ZFYVE26: variants seen among roughly 807,000 people sequenced by gnomAD.
ZFYVE26 encodes zinc finger FYVE domain-containing protein 26.
A neutral mutation model predicts 276.5 loss-of-function variants in ZFYVE26; 181 were observed. That is an observed-to-expected ratio of 0.65 (90% CI 0.58 to 0.74). The LOEUF (loss-of-function observed/expected upper bound fraction) is 0.74, where lower values mean the gene tolerates loss of function less well. Ranked by LOEUF, ZFYVE26 falls within the 30% of genes least tolerant of loss-of-function variation. The pLI is 0.00. For missense variants in ZFYVE26, 2,821 were observed against 3,097.9 expected (o/e 0.91, Z 2.12); for synonymous variants, 1,129 against 1,203.1 (o/e 0.94, Z 1.27).
At chr14:67,756,795 T>C (rs769499629) in intron 35 of ZFYVE26, among the ~76,000 whole-genome samples, 1 of 152,202 alleles carries the variant, frequency 6.6e-6, no homozygotes, top group African/African-American at 2.4e-5. Context: ...TTGCTGATGA[T>C]GCCTAAATCC....
chr14:67,800,107 G>A (rs531592670), intron 10 of ZFYVE26, among the ~76,000 whole-genome samples: 10 of 152,256 alleles, frequency 6.6e-5, no homozygotes, highest in Non-Finnish European at 1.3e-4. Flanking sequence ...TTGTACTGAT[G>A]TACAGGTATT....
In ZFYVE26 at chr14:67,783,608, T is replaced by G. The variant is rs1025410175; in HGVS notation, c.3627-83A>C. 3 of 1,552,300 alleles carry G rather than the reference T, an allele frequency of 1.9e-6. No individual in the cohort carries two copies. In the African/African-American group the frequency reaches 4.1e-5, roughly 21 times the overall value. On this transcript the variant is annotated intron_variant, in intron 20 of 41. Transcript: ENST00000347230. ...GTCTTACAATTTCTTTATGCTTACA[T>G]GAGCAAATGTAAATAAAAGTTCCTA...
At chr14:67,751,176 C>T in intron 40 of ZFYVE26, 80 bp from the exon 41 acceptor site, 1 of 1,521,358 alleles carries the variant, frequency 6.6e-7, no homozygotes, top group Non-Finnish European at 9.1e-7. Flanking sequence ...AGCCTCAGCC[C>T]AGCCATTCTG....
In ZFYVE26 at chr14:67,793,638, G is replaced by T; in HGVS notation, c.2523C>A (p.Ile841=). Residue 841 remains isoleucine, a synonymous_variant, in exon 14 of 42, where the codon ATC becomes ATA. Transcript: ENST00000347230. The part of the protein sequence containing the change: ...SPPESLLASC[I]LRGNFAEAHQ... The stretch of plus-strand genomic sequence containing the variant: ...GGGCTTCTGCGAAGTTCCCGCGAAG[G>T]ATGCAGGATGCCAGCAGTGACTCAG... The T allele has an allele frequency of 6.2e-7, 1 of 1,613,776 alleles. No homozygotes were observed. The highest frequency in any genetic ancestry group is 8.5e-7 in the Non-Finnish European group (1 of 1,179,826).
At chr14:67,789,101 T>C (rs1257641035) in intron 16 of ZFYVE26, among the ~76,000 whole-genome samples, 1 of 152,216 alleles carries the variant, frequency 6.6e-6, no homozygotes, top group Non-Finnish European at 1.5e-5. Context: ...TTAAAATGTA[T>C]ATTTCTTCTT....
chr14:67,774,212 T>C (rs12896666), intron 27 of ZFYVE26, among the ~76,000 whole-genome samples: 92,979 of 151,784 alleles, frequency 0.61, 29,402 homozygotes, highest in East Asian at 0.92. Context: ...AACCTCTATA[T>C]AACAGTGACC....
At chr14:67,770,912 T>C (rs564809609) in intron 28 of ZFYVE26, among the ~76,000 whole-genome samples, 1 of 152,046 alleles carries the variant, frequency 6.6e-6, no homozygotes, top group Non-Finnish European at 1.5e-5. Context: ...TCCTTGAAGA[T>C]TTGTAAGTTT....
intron 31 of ZFYVE26, among the ~76,000 whole-genome samples, chr14:67,767,300 A>G (rs1370165353): frequency 2.0e-5 from 3 of 152,004 alleles, no homozygotes; most frequent in Non-Finnish European, 4.4e-5. Context: ...TATTAACCCT[A>G]TTGACTCTAT....
At chr14:67,782,672 T>C (rs1302841731) in intron 21 of ZFYVE26, 108 bp downstream of exon 21, 14 of 1,538,928 alleles carry the variant, frequency 9.1e-6, no homozygotes, top group African/African-American at 4.1e-5. Flanking sequence ...CATGAGATTA[T>C]AGTGGGGCTT....
intron 39 of ZFYVE26, among the ~76,000 whole-genome samples, chr14:67,752,917 C>T (rs1381645256): frequency 6.6e-6 from 1 of 152,114 alleles, no homozygotes; most frequent in Non-Finnish European, 1.5e-5. Context: ...GAAACAGACC[C>T]ATTCACTGAA....
At chr14:67,767,622 G>C (rs796447286) in intron 31 of ZFYVE26, 82 bp downstream of exon 31, 39 of 1,589,694 alleles carry the variant, frequency 2.5e-5, no homozygotes, top group Middle Eastern at 1.7e-4. Context: ...GGCCAGGTGT[G>C]TTCACCTACC....
At chr14:67,762,017 T>C (rs2038944289) in intron 34 of ZFYVE26, 186 bp downstream of exon 34, 2 of 628,856 alleles carry the variant, frequency 3.2e-6, no homozygotes, top group East Asian at 5.5e-5. Context: ...ATTACATCTA[T>C]TACTTATCTA....
chr14:67,771,907 A>AAC, intron 28 of ZFYVE26, 140 bp downstream of exon 28: 1 of 1,160,512 alleles, frequency 8.6e-7, no homozygotes, highest in East Asian at 2.6e-5. Context: ...GTCAAAAATG[A>AAC]ACCCAAAGTC....
intron 10 of ZFYVE26, among the ~76,000 whole-genome samples, chr14:67,800,221 T>A (rs1338090153): frequency 6.6e-6 from 1 of 152,160 alleles, no homozygotes; most frequent in Non-Finnish European, 1.5e-5. Flanking sequence ...CAGTAAAATG[T>A]GACCTAGAAA....
chr14:67,735,325 CA>C, intron 13 of ZFYVE26: 1 of 792,028 alleles, frequency 1.3e-6, no homozygotes, highest in Non-Finnish European at 2.3e-6. Flanking sequence ...CGCCCGACAC[CA>C]AAAGGACCAT....
exon 14 of ZFYVE26, chr14:67,729,691 C>T (rs964014396): frequency 9.1e-5 from 51 of 562,006 alleles, no homozygotes; most frequent in Middle Eastern, 5.4e-4. Flanking sequence ...GATCGTTTTT[C>T]TCCTTCTTTA....
chr14:67,784,932 A>T (rs1022601718), intron 19 of ZFYVE26, 127 bp downstream of exon 19: 1 of 998,662 alleles, frequency 1.0e-6, no homozygotes, highest in African/African-American at 1.6e-5. Flanking sequence ...AGAGAGGACA[A>T]CCTTATAAAT....
At chr14:67,809,079 G>T in intron 4 of ZFYVE26, 121 bp downstream of exon 4, 1 of 870,150 alleles carries the variant, frequency 1.1e-6, no homozygotes, top group Non-Finnish European at 1.9e-6. Context: ...CTTCTGTGTT[G>T]CCTTGCCTGA....
intron 41 of ZFYVE26, among the ~76,000 whole-genome samples, chr14:67,750,178 G>A (rs2038598898): frequency 6.6e-6 from 1 of 152,130 alleles, no homozygotes; most frequent in Non-Finnish European, 1.5e-5. Context: ...TACATTTCAG[G>A]ATGTCAGAAT....
Sources: allele counts gnomAD v4.1 joint callset (sites outside exome capture counted in the v4.1 genomes callset), GRCh38; gene constraint gnomAD v4.1.1; transcripts MANE v1.5; gene names NCBI Gene and HGNC (gene_info 2026-07-23, HGNC 2026-07-21).